Variants in WWOX observed in about 807,000 individuals in gnomAD.
The protein encoded by WWOX is WW domain-containing oxidoreductase.
WWOX carries 69 observed loss-of-function variants against 46.2 expected under a neutral mutation model. The ratio of observed to expected loss-of-function variants is 1.49; its 90% confidence interval spans 1.23 to 1.82. WWOX has a LOEUF of 1.82. Ranked by LOEUF, WWOX falls within the 40% of genes most tolerant of loss-of-function variation. The probability of loss-of-function intolerance (pLI) is 0.00; values close to 1 mark genes in which losing one functional copy is unlikely to be tolerated. For synonymous variants in WWOX, 359 were observed against 202.6 expected (o/e 1.77, Z -6.56); for missense variants, 919 against 542.6 (o/e 1.69, Z -6.89).
chr16:78,957,284 C>G (rs997604193), intron 8 of WWOX, among the ~76,000 whole-genome samples: 1 of 152,158 alleles, frequency 6.6e-6, no homozygotes. Flanking sequence ...GCGTGACGAC[C>G]AGATAATTAT....
chr16:78,549,129 G>C (rs946015347), intron 8 of WWOX, among the ~76,000 whole-genome samples: 1 of 152,192 alleles, frequency 6.6e-6, no homozygotes, highest in South Asian at 2.1e-4. Flanking sequence ...ATTGAGATTT[G>C]TGGAGGTGTA....
intron 5 of WWOX, among the ~76,000 whole-genome samples, chr16:78,332,455 C>G (rs1235070115): frequency 1.3e-5 from 2 of 152,144 alleles, no homozygotes; most frequent in Non-Finnish European, 2.9e-5. Context: ...GCATGAATTC[C>G]TGCACTAACA....
chr16:79,134,379 C>A (rs936444876), intron 8 of WWOX, among the ~76,000 whole-genome samples: 2 of 152,064 alleles, frequency 1.3e-5, no homozygotes, highest in East Asian at 3.9e-4. Flanking sequence ...TTGCAACAGG[C>A]AGCCCAGCAT....
chr16:79,112,104 C>G (rs1040414960), intron 8 of WWOX, among the ~76,000 whole-genome samples: 9 of 152,150 alleles, frequency 5.9e-5, no homozygotes, highest in African/African-American at 2.2e-4. Flanking sequence ...TGAGAATCTT[C>G]TCTCTCTCCC....
chr16:78,652,946 A>C (rs548849182), intron 8 of WWOX, among the ~76,000 whole-genome samples: 1 of 152,306 alleles, frequency 6.6e-6, no homozygotes, highest in East Asian at 1.9e-4. Context: ...TTGTTATTTG[A>C]TTATGGTAAT....
chr16:78,728,101 G>A (rs1050451986), intron 8 of WWOX, among the ~76,000 whole-genome samples: 2 of 110,000 alleles, frequency 1.8e-5, no homozygotes, highest in Admixed American at 1.4e-4. Context: ...GTCTCACTGT[G>A]TCACCCAAGC....
intron 8 of WWOX, among the ~76,000 whole-genome samples, chr16:79,128,656 A>T (rs187408686): frequency 2.0e-5 from 3 of 152,344 alleles, no homozygotes; most frequent in Non-Finnish European, 4.4e-5. Context: ...ATTTCACTCA[A>T]CTGAGGAATT....
intron 8 of WWOX, among the ~76,000 whole-genome samples, chr16:78,462,458 T>A (rs1487101354): frequency 6.6e-6 from 1 of 152,204 alleles, no homozygotes; most frequent in African/African-American, 2.4e-5. Context: ...GAAACTGCAC[T>A]CACACTGCTA....
At chr16:78,113,101 A>G (rs1334311840) in intron 3 of WWOX, among the ~76,000 whole-genome samples, 1 of 152,162 alleles carries the variant, frequency 6.6e-6, no homozygotes, top group East Asian at 1.9e-4. Context: ...TGAAATGGGT[A>G]TTAATCAACC....
At chr16:78,156,073 T>C (rs1182621382) in intron 4 of WWOX, among the ~76,000 whole-genome samples, 1 of 152,178 alleles carries the variant, frequency 6.6e-6, no homozygotes, top group Non-Finnish European at 1.5e-5. Context: ...TAGCAACGGG[T>C]AATGCATTGC....
intron 5 of WWOX, among the ~76,000 whole-genome samples, chr16:78,365,260 C>G (rs1236102713): frequency 6.6e-6 from 1 of 152,158 alleles, no homozygotes; most frequent in Non-Finnish European, 1.5e-5. Context: ...GTGATTGTCT[C>G]CAACGCATCC....
chr16:78,944,820 C>T (rs1215464614), intron 8 of WWOX, among the ~76,000 whole-genome samples: 1 of 152,104 alleles, frequency 6.6e-6, no homozygotes, highest in Non-Finnish European at 1.5e-5. Context: ...TTGACATTCC[C>T]ACATAGCTGC....
At chr16:78,474,555 C>G (rs923934139) in intron 8 of WWOX, among the ~76,000 whole-genome samples, 1 of 152,186 alleles carries the variant, frequency 6.6e-6, no homozygotes, top group African/African-American at 2.4e-5. Flanking sequence ...AGTCCGTAAA[C>G]TGCACTTTAT....
intron 8 of WWOX, among the ~76,000 whole-genome samples, chr16:79,030,871 C>T (rs2047738990): frequency 6.6e-6 from 1 of 151,940 alleles, no homozygotes. Flanking sequence ...TCGCTTGAGC[C>T]CAGGAGCTTA....
intron 5 of WWOX, among the ~76,000 whole-genome samples, chr16:78,187,156 C>A (rs1405257001): frequency 2.0e-5 from 3 of 152,200 alleles, no homozygotes; most frequent in Non-Finnish European, 4.4e-5. Context: ...ACCAGGTTAA[C>A]TGAGGGTAAT....
intron 8 of WWOX, chr16:78,895,580 A>G (rs1216103629): frequency 6.6e-6 from 1 of 152,188 alleles, no homozygotes; most frequent in Non-Finnish European, 1.5e-5. Context: ...TTAGAATTTA[A>G]TAGGAGGGTT....
At chr16:78,739,099 A>G (rs1220034621) in intron 8 of WWOX, among the ~76,000 whole-genome samples, 2 of 152,170 alleles carry the variant, frequency 1.3e-5, no homozygotes, top group South Asian at 2.1e-4. Flanking sequence ...CCATAGCTGC[A>G]AAGTCACAGG....
chr16:78,109,722 A>G lies in WWOX; in HGVS notation c.173-56A>G, dbSNP rs1236038705. On this transcript the variant is annotated intron_variant, in intron 2 of 8. Coordinates refer to ENST00000566780, the MANE Select transcript of WWOX (RefSeq NM_016373.4). ...GGAGGGCTCCTTCCCTTCCTGACCC[A>G]GGGATGGTCTTTACTTCTCCCTGGC... 4 of 1,599,160 alleles carry G rather than the reference A, an allele frequency of 2.5e-6. No homozygotes were observed. In the East Asian group the frequency reaches 6.7e-5, roughly 27 times the overall value.
chr16:78,786,161 C>G (rs1291564316), intron 8 of WWOX, among the ~76,000 whole-genome samples: 1 of 152,170 alleles, frequency 6.6e-6, no homozygotes, highest in South Asian at 2.1e-4. Flanking sequence ...CTGCCTGTCT[C>G]CGCCTCCCAA....
Sources: allele counts gnomAD v4.1 joint callset (sites outside exome capture counted in the v4.1 genomes callset), GRCh38; gene constraint gnomAD v4.1.1; transcripts MANE v1.5; gene names NCBI Gene and HGNC (gene_info 2026-07-23, HGNC 2026-07-21).